LRRC4C: variants seen among roughly 807,000 people sequenced by gnomAD.
The protein encoded by LRRC4C is leucine rich repeat containing 4C.
In LRRC4C, 5 loss-of-function variants were observed where a neutral mutation model predicts 33.6. The observed-to-expected ratio is 0.15, with a 90% CI of 0.08 to 0.31. LRRC4C has a LOEUF of 0.31. Ranked by LOEUF, LRRC4C falls within the 10% of genes least tolerant of loss-of-function variation. The pLI is 1.00. For synonymous variants in LRRC4C, 329 were observed against 302.0 expected, an observed-to-expected ratio of 1.09 and a Z score of -0.93; for missense variants, 560 against 796.7, an observed-to-expected ratio of 0.70 and a Z score of 3.58.
intron 2 of LRRC4C, among the ~76,000 whole-genome samples, chr11:40,927,426 C>T (rs1183703857): frequency 6.6e-6 from 1 of 151,374 alleles, no homozygotes; most frequent in Non-Finnish European, 1.5e-5. Flanking sequence ...AACATATAGT[C>T]CTTACTAAAG....
chr11:40,356,502 T>C (rs569612039), intron 3 of LRRC4C, among the ~76,000 whole-genome samples: 1 of 152,348 alleles, frequency 6.6e-6, no homozygotes, highest in South Asian at 2.1e-4. Flanking sequence ...CTTCAATGTC[T>C]GGCCGCTAAG....
intron 4 of LRRC4C, among the ~76,000 whole-genome samples, chr11:40,300,967 G>A (rs1944746363): frequency 6.6e-6 from 1 of 152,112 alleles, no homozygotes; most frequent in Non-Finnish European, 1.5e-5. Context: ...CAGGCTCTCT[G>A]GAAGGTTTCT....
At chr11:41,077,874 C>G (rs554141192) in intron 1 of LRRC4C, among the ~76,000 whole-genome samples, 1 of 152,134 alleles carries the variant, frequency 6.6e-6, no homozygotes, top group East Asian at 1.9e-4. Flanking sequence ...TTCAGATTAC[C>G]TCTTTGTGAA....
intron 5 of LRRC4C, among the ~76,000 whole-genome samples, chr11:40,145,900 T>C (rs936406586): frequency 1.3e-5 from 2 of 152,214 alleles, no homozygotes; most frequent in African/African-American, 4.8e-5. Flanking sequence ...TACCAGGAAA[T>C]GAATTGTTTA....
intron 1 of LRRC4C, among the ~76,000 whole-genome samples, chr11:41,268,214 T>C (rs4130500): frequency 0.44 from 67,079 of 151,984 alleles, 16,416 homozygotes; most frequent in African/African-American, 0.63. Flanking sequence ...GGGCCTGCCA[T>C]GCTCTGGAGT....
chr11:41,230,074 G>A (rs943382961), intron 1 of LRRC4C, among the ~76,000 whole-genome samples: 1 of 151,936 alleles, frequency 6.6e-6, no homozygotes, highest in African/African-American at 2.4e-5. Flanking sequence ...ACAAGCAAAA[G>A]TTGTTTTCTC....
chr11:40,306,937 T>TG (rs1468061405), intron 4 of LRRC4C, among the ~76,000 whole-genome samples: 1 of 98,124 alleles, frequency 1.0e-5, no homozygotes, highest in Non-Finnish European at 2.7e-5. Flanking sequence ...CACAAGGTTA[T>TG]CTGGTTTTTT....
At chr11:40,767,112 A>G (rs1247003008) in intron 2 of LRRC4C, among the ~76,000 whole-genome samples, 1 of 152,146 alleles carries the variant, frequency 6.6e-6, no homozygotes, top group East Asian at 1.9e-4. Context: ...ACACATAGAC[A>G]GAAAATAAAT....
intron 3 of LRRC4C, among the ~76,000 whole-genome samples, chr11:40,503,509 T>C (rs1324519328): frequency 2.0e-5 from 3 of 152,220 alleles, no homozygotes; most frequent in African/African-American, 7.2e-5. Flanking sequence ...AATTTCACTA[T>C]ATTGTCTATG....
chr11:40,816,699 G>A (rs2135429021), intron 2 of LRRC4C, among the ~76,000 whole-genome samples: 2 of 152,210 alleles, frequency 1.3e-5, no homozygotes, highest in South Asian at 4.1e-4. Flanking sequence ...CCATTGTTGG[G>A]TAAGTTTTAG....
chr11:40,903,822 A>G (rs1298987975), intron 2 of LRRC4C, among the ~76,000 whole-genome samples: 1 of 152,202 alleles, frequency 6.6e-6, no homozygotes, highest in Non-Finnish European at 1.5e-5. Flanking sequence ...GATTGTTTGT[A>G]AGACAAAGGA....
At chr11:40,503,493 T>C (rs1954879276) in intron 3 of LRRC4C, among the ~76,000 whole-genome samples, 1 of 152,182 alleles carries the variant, frequency 6.6e-6, no homozygotes, top group Non-Finnish European at 1.5e-5. Context: ...TGTGAAACCC[T>C]GAAGTAATTT....
At chr11:40,452,420 A>G (rs542860224) in intron 3 of LRRC4C, among the ~76,000 whole-genome samples, 1 of 152,346 alleles carries the variant, frequency 6.6e-6, no homozygotes, top group African/African-American at 2.4e-5. Flanking sequence ...GCCAAAAGAC[A>G]CATGAATAAA....
At chr11:40,855,300 C>G (rs950206894) in intron 2 of LRRC4C, among the ~76,000 whole-genome samples, 1 of 152,144 alleles carries the variant, frequency 6.6e-6, no homozygotes. Flanking sequence ...GATGTTTTTA[C>G]TATAATGAAA....
intron 3 of LRRC4C, among the ~76,000 whole-genome samples, chr11:40,409,310 GA>G (rs541593418): frequency 5.9e-5 from 9 of 151,268 alleles, no homozygotes; most frequent in East Asian, 1.9e-4. Flanking sequence ...GAAAACATAG[GA>G]AAAAAAATTC....
chr11:40,330,180 G>A (rs1471452128), intron 3 of LRRC4C, among the ~76,000 whole-genome samples: 14 of 152,156 alleles, frequency 9.2e-5, no homozygotes. Flanking sequence ...AGAATTTGAG[G>A]TGGTGTGATG....
At chr11:40,659,375 G>T (rs780164162) in intron 2 of LRRC4C, among the ~76,000 whole-genome samples, 3 of 152,296 alleles carry the variant, frequency 2.0e-5, no homozygotes, top group South Asian at 2.1e-4. Context: ...AGGCAGAAAG[G>T]AGGGGGTCCC....
chr11:41,247,474 G>A (rs781057518), intron 1 of LRRC4C, among the ~76,000 whole-genome samples: 12 of 152,238 alleles, frequency 7.9e-5, no homozygotes, highest in South Asian at 2.1e-4. Flanking sequence ...AGTAAAAAAC[G>A]TTAAAATTCC....
intron 3 of LRRC4C, among the ~76,000 whole-genome samples, chr11:40,602,206 A>G (rs1010442740): frequency 8.5e-6 from 1 of 117,376 alleles, no homozygotes; most frequent in Non-Finnish European, 2.0e-5. Context: ...AAAAAAAAAA[A>G]AAAAGAAAAA....
Sources: allele counts gnomAD v4.1 joint callset (sites outside exome capture counted in the v4.1 genomes callset), GRCh38; gene constraint gnomAD v4.1.1; transcripts MANE v1.5; gene names NCBI Gene and HGNC (gene_info 2026-07-23, HGNC 2026-07-21).